The following ZNF131 variants were observed in gnomAD, a reference collection of about 807,000 sequenced individuals.
ZNF131 encodes the protein zinc finger and BTB domain containing 35.
In ZNF131, 7 loss-of-function variants were observed where a neutral mutation model predicts 60.0. The ratio of observed to expected loss-of-function variants is 0.12; its 90% CI spans 0.07 to 0.22. ZNF131 has a LOEUF of 0.22. Among genes scored for constraint, ZNF131 ranks in the 10% least tolerant of loss-of-function variants. The pLI is 1.00. For missense variants in ZNF131, 493 were observed against 740.9 expected, an observed-to-expected ratio of 0.67 and a Z score of 3.88; for synonymous variants, 257 against 253.2, an observed-to-expected ratio of 1.01 and a Z score of -0.14.
intron 5 of ZNF131, chr5:43,167,966 A>G (rs1032766777): frequency 6.6e-6 from 3 of 454,236 alleles, no homozygotes; most frequent in Non-Finnish European, 1.3e-5. Flanking sequence ...ATGAGGCCAC[A>G]TCTGGTGAGA....
At chr5:43,160,677 A>C (rs963393156) in intron 4 of ZNF131, among the ~76,000 whole-genome samples, 54 of 121,104 alleles carry the variant, frequency 4.5e-4, no homozygotes, top group Admixed American at 2.8e-3. Flanking sequence ...TTAGCTTGGA[A>C]CTTTTTTTTT....
At chr5:43,151,864 C>T (rs755245689) in intron 4 of ZNF131, among the ~76,000 whole-genome samples, 10 of 152,168 alleles carry the variant, frequency 6.6e-5, no homozygotes, top group Non-Finnish European at 1.2e-4. Flanking sequence ...AAAGTAGGCA[C>T]GAACCTGCAT....
At chr5:43,170,215 T>C (rs1304683366) in intron 5 of ZNF131, among the ~76,000 whole-genome samples, 1 of 152,108 alleles carries the variant, frequency 6.6e-6, no homozygotes, top group East Asian at 1.9e-4. Flanking sequence ...TTGAAAAGAG[T>C]TTCTGTATTA....
intron 3 of ZNF131, among the ~76,000 whole-genome samples, chr5:43,125,478 G>C (rs149534913): frequency 1.1e-3 from 169 of 150,028 alleles, no homozygotes; most frequent in African/African-American, 3.9e-3. Flanking sequence ...GAATTTTTAA[G>C]TCTTAAAAAA....
chr5:43,161,365 C>T lies in ZNF131; in HGVS notation c.488C>T (p.Ser163Leu), dbSNP rs1749674504. ...VITESLPSAE[S>L]EPVEIEVEIA... is the part of the protein sequence containing the mutation. ...ACTGAGTCATTGCCATCTGCAGAAT[C>T]AGAACCTGTTGAAATTGAGGTAGAG... The change falls in exon 5 of 7, where the codon TCA (serine) becomes TTA (leucine). Residue 163 changes from serine to leucine, a missense_variant. Coordinates refer to ENST00000682664, the MANE Select transcript of ZNF131 (RefSeq NM_001330707.2). 6.2e-7 allele frequency: 1 copy of T among 1,614,206 alleles called. No individual in the cohort carries two copies. The highest frequency in any genetic ancestry group is 2.2e-5 in the East Asian group (1 of 44,888).
chr5:43,121,995 G>A (rs1363902280), intron 1 of ZNF131, 44 bp from the exon 2 acceptor site: 5 of 1,573,454 alleles, frequency 3.2e-6, no homozygotes, highest in Non-Finnish European at 4.3e-6. Context: ...TTTGTTCCTC[G>A]GCTCGAGCTC....
intron 4 of ZNF131, among the ~76,000 whole-genome samples, chr5:43,143,903 T>G (rs1747198989): frequency 2.8e-5 from 1 of 35,284 alleles, no homozygotes; most frequent in African/African-American, 1.2e-4. Flanking sequence ...CAGAGCTTTT[T>G]TTTTTTTTTT....
rs915124494 is a variant in ZNF131, at chr5:43,150,438, C to G, written c.372-10811C>G. Among the ~76,000 whole-genome samples, 9 of 152,104 alleles carry G rather than the reference C, an allele frequency of 5.9e-5. 1 individual carries two copies. Among genetic ancestry groups the G allele is most frequent in the African/African-American group, 2.2e-4 (9 of 41,422 alleles). ...TGTTTCTGTATTATCCTGGCTGGTA[C>G]TGAATTTTCCCCATAAGTACAGCAC... On this transcript the variant is annotated intron_variant, in intron 4 of 6. Transcript: ENST00000682664.
At chr5:43,128,228 T>G (rs1744808234) in intron 3 of ZNF131, among the ~76,000 whole-genome samples, 1 of 152,196 alleles carries the variant, frequency 6.6e-6, no homozygotes, top group African/African-American at 2.4e-5. Context: ...ACCAAACTAG[T>G]CTTGATAGAT....
intron 4 of ZNF131, among the ~76,000 whole-genome samples, chr5:43,155,975 GAC>G (rs1457307182): frequency 2.6e-5 from 4 of 152,196 alleles, no homozygotes; most frequent in African/African-American, 9.7e-5. Flanking sequence ...AGAAGATAGA[GAC>G]ACTGCACTAA....
chr5:43,122,206 AT>A (rs764355897), intron 2 of ZNF131, 29 bp downstream of exon 2: 12 of 1,559,010 alleles, frequency 7.7e-6, no homozygotes, highest in Non-Finnish European at 5.2e-6. Context: ...AGAGGAGCGA[AT>A]TTTTGGCTTC....
At position 43,175,118 on chromosome 5, in the gene ZNF131, G is replaced by A; in HGVS notation, c.1857G>A (p.Leu619=). The A allele has an allele frequency of 3.1e-6, 5 of 1,604,726 alleles. No individual in the cohort carries two copies. The highest frequency in any genetic ancestry group is 4.2e-6 in the Non-Finnish European group (5 of 1,176,978). The change falls in exon 7 of 7, where the codon CTG becomes CTA. Residue 619 remains leucine (L), a synonymous_variant. Transcript: ENST00000682664. ...CAGAGAATGAGGACAGAACAGCTCT[G>A]CCAGTTTTAGAATGAAATTACACAT... ...EKAENEDRTA[L]PVLE is the part of the protein sequence containing the mutation.
intron 3 of ZNF131, among the ~76,000 whole-genome samples, chr5:43,136,774 A>T (rs1048612076): frequency 1.3e-5 from 2 of 151,164 alleles, no homozygotes; most frequent in Non-Finnish European, 2.9e-5. Context: ...GGCATGAGCC[A>T]CTGCACCCAG....
chr5:43,133,883 A>T (rs990152964), intron 3 of ZNF131, among the ~76,000 whole-genome samples: 2 of 152,230 alleles, frequency 1.3e-5, no homozygotes, highest in Admixed American at 1.3e-4. Context: ...AGCTTGTATC[A>T]GTTGTCAGAA....
rs187679616 is a variant in ZNF131, at chr5:43,149,979, G to A, written c.371+10670G>A. 5.0e-4 allele frequency among the ~76,000 whole-genome samples: 76 copies of A among 152,302 alleles called. 2 individuals carry two copies. Among genetic ancestry groups the A allele is most frequent in the Admixed American group, 1.0e-3 (16 of 15,294 alleles). ...TTTCATGGATGCCGGCAAGAGACAT[G>A]AGACTCTTGAGTCCAGAAAAGGGCT... is the stretch of plus-strand genomic sequence containing the variant. On this transcript the variant is annotated intron_variant, in intron 4 of 6. Coordinates refer to ENST00000682664, the MANE Select transcript of ZNF131 (RefSeq NM_001330707.2).
chr5:43,165,420 C>T (rs150727573), intron 5 of ZNF131, among the ~76,000 whole-genome samples: 2 of 152,284 alleles, frequency 1.3e-5, no homozygotes, highest in Middle Eastern at 6.8e-3. Flanking sequence ...AAAATTACTT[C>T]TTGATCTGTG....
Position 43,155,428 on chromosome 5 carries a change from C to G in ZNF131, c.372-5821C>G, listed in dbSNP as rs192238076. Among the ~76,000 whole-genome samples, 17 of 152,234 alleles carry G rather than the reference C, an allele frequency of 1.1e-4. No individual in the cohort carries two copies. The East Asian group carries it at 3.1e-3, about 28-fold the overall frequency. On this transcript the variant is annotated intron_variant, in intron 4 of 6. Transcript: ENST00000682664. ...GAGCTGTGTCAGGGTTCAGCAAGTC[C>G]AAAACCCAAGTAATAACCGTTGGGT...
intron 4 of ZNF131, among the ~76,000 whole-genome samples, chr5:43,158,323 CTT>C (rs556477228): frequency 2.2e-3 from 342 of 152,138 alleles, no homozygotes; most frequent in African/African-American, 7.6e-3. Context: ...CAGTTTCACT[CTT>C]GTTGCCCAGG....
At chr5:43,149,261 A>G (rs75531189) in intron 4 of ZNF131, among the ~76,000 whole-genome samples, 3 of 115,674 alleles carry the variant, frequency 2.6e-5, no homozygotes, top group Non-Finnish European at 4.1e-5. Flanking sequence ...ACAGAGGGAG[A>G]AAAAAAAAAA....
Sources: allele counts gnomAD v4.1 joint callset (sites outside exome capture counted in the v4.1 genomes callset), GRCh38; gene constraint gnomAD v4.1.1; transcripts MANE v1.5; gene names NCBI Gene and HGNC (gene_info 2026-07-23, HGNC 2026-07-21).